The following ATG10 variants were observed in gnomAD, a reference collection of about 807,000 sequenced individuals.
ATG10 encodes the protein ubiquitin-like-conjugating enzyme ATG10.
In ATG10, 30 loss-of-function variants were observed where a neutral mutation model predicts 32.1. That is an observed-to-expected ratio of 0.94 (90% confidence interval 0.70 to 1.27). The LOEUF is 1.27. ATG10 is among the 50% of genes most tolerant of loss of function. ATG10 has a pLI of 0.00. For missense variants in ATG10, 233 were observed against 262.3 expected, an observed-to-expected ratio of 0.89 and a Z score of 0.77; for synonymous variants, 87 against 91.5, an observed-to-expected ratio of 0.95 and a Z score of 0.28.
At chr5:82,064,537 G>A (rs1448719576) in intron 3 of ATG10, among the ~76,000 whole-genome samples, 2 of 152,044 alleles carry the variant, frequency 1.3e-5, no homozygotes, top group African/African-American at 2.4e-5. Context: ...TTTTATCAAT[G>A]ACTTTAACAG....
At chr5:82,040,610 C>T (rs1763055883) in intron 2 of ATG10, among the ~76,000 whole-genome samples, 1 of 152,246 alleles carries the variant, frequency 6.6e-6, no homozygotes, top group East Asian at 1.9e-4. Context: ...TATAGTATGA[C>T]TTAAACAATT....
intron 5 of ATG10, among the ~76,000 whole-genome samples, chr5:82,207,287 A>G (rs1420160009): frequency 6.6e-6 from 1 of 152,236 alleles, no homozygotes; most frequent in Non-Finnish European, 1.5e-5. Context: ...TCAGCAGTGT[A>G]GGAATTTCAG....
intron 5 of ATG10, among the ~76,000 whole-genome samples, chr5:82,250,986 T>C (rs879379380): frequency 8.5e-5 from 13 of 152,166 alleles, no homozygotes; most frequent in Non-Finnish European, 1.5e-4. Flanking sequence ...AAGAGAGCTG[T>C]AGAGAGGAAG....
At chr5:82,250,068 T>C (rs1455426070) in intron 5 of ATG10, among the ~76,000 whole-genome samples, 5 of 152,370 alleles carry the variant, frequency 3.3e-5, no homozygotes, top group Non-Finnish European at 5.9e-5. Context: ...ATTATACCTC[T>C]TTATTCCTTC....
At chr5:81,993,324 T>TTTCCTTCCTTCCTTCCTTCCTTCC (rs1482074846) in intron 2 of ATG10, among the ~76,000 whole-genome samples, 11 of 103,264 alleles carry the variant, frequency 1.1e-4, no homozygotes, top group African/African-American at 4.6e-4. Flanking sequence ...TCTTTCTTTC[T>TTTCCTTCCTTCCTTCCTTCCTTCC]TTCCTTCCTT....
chr5:82,009,619 CAA>C lies in ATG10; in HGVS notation c.108+21942_108+21943del, dbSNP rs1208736037. On this transcript the variant is annotated intron_variant, in intron 2 of 7. Coordinates refer to ENST00000282185, the MANE Select transcript of ATG10 (RefSeq NM_031482.5). ...ACTTATTCGAGTTGTCCACAGTCAGCAATGGTGATCTTCTTGCTGGTCTTGCC... is the reference window on the plus strand; with the variant it reads ...ACTTATTCGAGTTGTCCACAGTCAGCTGGTGATCTTCTTGCTGGTCTTGCC... 2.5e-6 allele frequency: 4 copies of C among 1,589,888 alleles called. No individual in the cohort carries two copies. The East Asian group carries it at 8.9e-5, about 35-fold the overall frequency.
chr5:81,988,238 G>A lies in ATG10; in HGVS notation c.108+560G>A, dbSNP rs28713439. On this transcript the variant is annotated intron_variant, in intron 2 of 7. Transcript: ENST00000282185. ...TGCAACCTCTGCCTTTGGGGTTCAA[G>A]TGATTCTTGTGCCTCAGCCTCCCTA... Among the ~76,000 whole-genome samples, 1,303 of 152,212 alleles carry A rather than the reference G, an allele frequency of 8.6e-3. 11 individuals carry two copies. Among genetic ancestry groups the A allele is most frequent in the African/African-American group, 0.03 (1,233 of 41,528 alleles).
chr5:82,053,143 C>G (rs1317732244), intron 2 of ATG10, among the ~76,000 whole-genome samples: 1 of 152,164 alleles, frequency 6.6e-6, no homozygotes, highest in African/African-American at 2.4e-5. Context: ...ATGTCTTTGT[C>G]TATACATTCC....
intron 5 of ATG10, among the ~76,000 whole-genome samples, chr5:82,219,118 T>C (rs1017133607): frequency 2.6e-5 from 4 of 152,172 alleles, no homozygotes; most frequent in Non-Finnish European, 5.9e-5. Flanking sequence ...AAGAGTGATA[T>C]TAGAGAACAG....
chr5:81,983,202 C>T (rs12109996), intron 1 of ATG10, among the ~76,000 whole-genome samples: 3 of 147,320 alleles, frequency 2.0e-5, no homozygotes, highest in African/African-American at 7.5e-5. Flanking sequence ...CCACCTCCCT[C>T]CCGGACGGGG....
At chr5:82,123,472 A>G (rs1320525192) in intron 3 of ATG10, among the ~76,000 whole-genome samples, 1 of 151,968 alleles carries the variant, frequency 6.6e-6, no homozygotes, top group South Asian at 2.1e-4. Context: ...GCATGATATG[A>G]GTTTATCTAT....
chr5:81,990,844 G>C (rs974954557), intron 2 of ATG10, among the ~76,000 whole-genome samples: 1 of 152,244 alleles, frequency 6.6e-6, no homozygotes, highest in Admixed American at 6.5e-5. Context: ...AGTGTTACCA[G>C]ATCTTTTGAT....
At chr5:82,085,969 A>G (rs941756475) in intron 3 of ATG10, among the ~76,000 whole-genome samples, 5 of 152,178 alleles carry the variant, frequency 3.3e-5, no homozygotes, top group African/African-American at 9.6e-5. Flanking sequence ...ATTACAATAG[A>G]TAATATTGAA....
chr5:82,229,510 A>G (rs1456559296), intron 5 of ATG10, among the ~76,000 whole-genome samples: 1 of 152,222 alleles, frequency 6.6e-6, no homozygotes, highest in Non-Finnish European at 1.5e-5. Flanking sequence ...TGTATCCACA[A>G]TTGTAAACTG....
chr5:82,165,529 A>G (rs1195929539), intron 4 of ATG10, among the ~76,000 whole-genome samples: 3 of 152,228 alleles, frequency 2.0e-5, no homozygotes, highest in Non-Finnish European at 4.4e-5. Context: ...AGAAATTCTC[A>G]TAGACTCCCT....
At chr5:82,096,127 G>A (rs1765050898) in intron 3 of ATG10, among the ~76,000 whole-genome samples, 1 of 152,080 alleles carries the variant, frequency 6.6e-6, no homozygotes, top group African/African-American at 2.4e-5. Context: ...CTATCACATG[G>A]ATACCGTTTT....
intron 2 of ATG10, among the ~76,000 whole-genome samples, chr5:82,052,821 A>G (rs1223074386): frequency 6.6e-6 from 1 of 152,140 alleles, no homozygotes; most frequent in Non-Finnish European, 1.5e-5. Context: ...CTCATTCATT[A>G]TTTTTGTGGT....
At chr5:82,099,266 G>A (rs989845551) in intron 3 of ATG10, among the ~76,000 whole-genome samples, 7 of 152,022 alleles carry the variant, frequency 4.6e-5, no homozygotes, top group Non-Finnish European at 7.4e-5. Flanking sequence ...AAAGTACATC[G>A]ATTGGATAAA....
intron 3 of ATG10, among the ~76,000 whole-genome samples, chr5:82,076,092 A>G (rs1023175081): frequency 2.0e-5 from 3 of 152,222 alleles, no homozygotes; most frequent in African/African-American, 7.2e-5. Context: ...CCTAGGAGTT[A>G]GTGCCGATAC....
Sources: allele counts gnomAD v4.1 joint callset (sites outside exome capture counted in the v4.1 genomes callset), GRCh38; gene constraint gnomAD v4.1.1; transcripts MANE v1.5; gene names NCBI Gene and HGNC (gene_info 2026-07-23, HGNC 2026-07-21).